Variants in ERC2 observed in about 807,000 individuals in gnomAD.
ERC2 encodes the protein ERC protein 2.
ERC2 carries 42 observed loss-of-function variants against 114.8 expected under a neutral mutation model. That is an observed-to-expected ratio of 0.37 (90% CI 0.29 to 0.47). The LOEUF (loss-of-function observed/expected upper bound fraction) is 0.47. Ranked by LOEUF, ERC2 falls within the 20% of genes least tolerant of loss-of-function variation. ERC2 has a pLI of 0.99. For synonymous variants in ERC2, 454 were observed against 425.5 expected, an observed-to-expected ratio of 1.07 and a Z score of -0.82; for missense variants, 939 against 1,150.7, an observed-to-expected ratio of 0.82 and a Z score of 2.66.
At chr3:56,040,562 G>T (rs368385040) in intron 7 of ERC2, among the ~76,000 whole-genome samples, 1 of 1,280 alleles carries the variant, frequency 7.8e-4, no homozygotes, top group East Asian at 0.045. Flanking sequence ...TATGTATATA[G>T]AGATGTATAT....
In ERC2 at chr3:55,963,478, G is replaced by A. The variant is rs535235781; in HGVS notation, c.2268-12918C>T. 1.1e-4 allele frequency among the ~76,000 whole-genome samples: 17 copies of A among 152,290 alleles called. No homozygotes were observed. The East Asian group carries it at 1.4e-3, about 12-fold the overall frequency. ...AAGGACTATAGAGATACTAGGTAAC[G>A]GGTCTGAGGACAGAGCTTCAGGACC... On this transcript the variant is annotated intron_variant, in intron 12 of 17. Coordinates refer to ENST00000288221, the MANE Select transcript of ERC2 (RefSeq NM_015576.3).
intron 17 of ERC2, among the ~76,000 whole-genome samples, chr3:55,574,848 C>T (rs1002791803): frequency 6.6e-6 from 1 of 152,144 alleles, no homozygotes; most frequent in African/African-American, 2.4e-5. Flanking sequence ...AGACACAGGC[C>T]AGAATGGGCC....
intron 2 of ERC2, among the ~76,000 whole-genome samples, chr3:56,331,077 T>C (rs2057588968): frequency 6.6e-6 from 1 of 152,214 alleles, no homozygotes; most frequent in Non-Finnish European, 1.5e-5. Context: ...AGACACTCCT[T>C]GGCCAAACTT....
At chr3:55,715,502 T>C (rs1157384339) in intron 15 of ERC2, among the ~76,000 whole-genome samples, 2 of 152,134 alleles carry the variant, frequency 1.3e-5, no homozygotes, top group African/African-American at 4.8e-5. Context: ...TATAGAAGCT[T>C]GGACATTAAG....
chr3:55,869,846 G>A (rs1013509900), intron 14 of ERC2, among the ~76,000 whole-genome samples: 4 of 152,110 alleles, frequency 2.6e-5, no homozygotes, highest in Admixed American at 2.0e-4. Context: ...ATCCAAAGGA[G>A]ATGAATCTTC....
chr3:55,719,603 G>T (rs1029925833), intron 15 of ERC2, among the ~76,000 whole-genome samples: 1 of 152,172 alleles, frequency 6.6e-6, no homozygotes, highest in Non-Finnish European at 1.5e-5. Flanking sequence ...AAAGCACAAA[G>T]AGGCAACTGG....
intron 8 of ERC2, among the ~76,000 whole-genome samples, chr3:56,017,473 A>C (rs942762691): frequency 6.6e-5 from 10 of 152,150 alleles, no homozygotes; most frequent in African/African-American, 2.4e-4. Context: ...TCCCCTTCAA[A>C]GTAAAAGCCA....
chr3:56,459,980 T>C (rs2107563612), intron 1 of ERC2, among the ~76,000 whole-genome samples: 1 of 152,254 alleles, frequency 6.6e-6, no homozygotes, highest in South Asian at 2.1e-4. Context: ...GGAGAAGTAA[T>C]GCCCAAGAGG....
rs815404 is a variant in ERC2, at chr3:55,714,429, C to T, written c.2713-14917G>A. On this transcript the variant is annotated intron_variant, in intron 15 of 17. Coordinates refer to ENST00000288221, the MANE Select transcript of ERC2 (RefSeq NM_015576.3). ...GTAACCAAAATGTCCATATATTAGG[C>T]TTTGGTTTATCAAATCATTAAATAG... is the stretch of plus-strand genomic sequence containing the variant. Among the ~76,000 whole-genome samples the T allele has an allele frequency of 2.6e-5, 4 of 151,544 alleles. No individual in the cohort carries two copies. The East Asian group carries it at 7.8e-4, about 29-fold the overall frequency.
intron 14 of ERC2, among the ~76,000 whole-genome samples, chr3:55,758,566 C>G (rs971908231): frequency 5.3e-5 from 8 of 152,222 alleles, no homozygotes; most frequent in Admixed American, 5.2e-4. Context: ...TTACAGATGC[C>G]TGTCCCCATT....
rs189029452 is a variant in ERC2 at position 56,082,335 on chromosome 3, G to A, written c.1474-1351C>T. 3.6e-3 allele frequency among the ~76,000 whole-genome samples: 541 copies of A among 152,204 alleles called. 22 individuals are homozygous for A. Among genetic ancestry groups the A allele is most frequent in the Admixed American group, 0.034 (526 of 15,276 alleles). Reference sequence around the variant, plus strand: ...CTTCCACCATGTGAGAACACAGCACGATGGCACCATATATGAAGCATTGAT... The same window carrying A: ...CTTCCACCATGTGAGAACACAGCACAATGGCACCATATATGAAGCATTGAT... On this transcript the variant is annotated intron_variant, in intron 6 of 17. Transcript: ENST00000288221.
intron 14 of ERC2, among the ~76,000 whole-genome samples, chr3:55,787,392 G>T (rs1559653723): frequency 6.6e-6 from 1 of 152,086 alleles, no homozygotes. Flanking sequence ...ACTCCAGCCT[G>T]GGTAACAGAG....
intron 14 of ERC2, among the ~76,000 whole-genome samples, chr3:55,802,285 G>T (rs1393175605): frequency 6.6e-6 from 1 of 152,078 alleles, no homozygotes; most frequent in African/African-American, 2.4e-5. Flanking sequence ...TTATGCCAGG[G>T]TACTGTGCTT....
At chr3:56,190,301 C>T (rs920270202) in intron 3 of ERC2, among the ~76,000 whole-genome samples, 1 of 152,216 alleles carries the variant, frequency 6.6e-6, no homozygotes, top group Non-Finnish European at 1.5e-5. Context: ...CTGTGGCTCA[C>T]AGCCTCATCT....
chr3:55,616,349 G>A (rs1274390719), intron 17 of ERC2, among the ~76,000 whole-genome samples: 3 of 152,094 alleles, frequency 2.0e-5, no homozygotes, highest in Non-Finnish European at 2.9e-5. Flanking sequence ...TTGTGGAAAT[G>A]GAAAGTCCTT....
intron 7 of ERC2, among the ~76,000 whole-genome samples, chr3:56,076,418 T>C (rs1353594659): frequency 3.5e-5 from 5 of 144,154 alleles, no homozygotes; most frequent in Non-Finnish European, 7.6e-5. Context: ...AAATGTACAA[T>C]GTCATCAGGT....
chr3:56,459,646 T>A (rs942630245), intron 1 of ERC2, among the ~76,000 whole-genome samples: 1 of 152,138 alleles, frequency 6.6e-6, no homozygotes, highest in African/African-American at 2.4e-5. Flanking sequence ...TCTATGAACA[T>A]TGCGGCTGGC....
intron 1 of ERC2, among the ~76,000 whole-genome samples, chr3:56,450,292 G>A (rs1215565041): frequency 6.6e-6 from 1 of 152,088 alleles, no homozygotes; most frequent in Admixed American, 6.5e-5. Context: ...CAGCTGCCTT[G>A]GCTCATGTTT....
chr3:55,781,812 C>A (rs1373338334), intron 14 of ERC2, among the ~76,000 whole-genome samples: 1 of 147,516 alleles, frequency 6.8e-6, no homozygotes, highest in Non-Finnish European at 1.5e-5. Context: ...GTGGAGGTTG[C>A]AGTGAGCCGA....
Sources: gnomAD v4.1 joint callset for allele counts (sites outside exome capture counted in the v4.1 genomes callset) on GRCh38, gnomAD v4.1.1 for gene constraint, MANE v1.5 for transcripts, NCBI Gene and HGNC (gene_info 2026-07-23, HGNC 2026-07-21) for gene names.